Variants in CCDC169 observed in about 807,000 individuals in gnomAD.
CCDC169 encodes coiled-coil domain-containing protein 169.
CCDC169 carries 30 observed loss-of-function variants against 36.0 expected under a neutral mutation model. That is an observed-to-expected ratio of 0.83 (90% CI 0.62 to 1.13). The LOEUF is 1.13. Ranked by LOEUF, CCDC169 falls within the 50% of genes most tolerant of loss-of-function variation. The pLI is 0.00. For missense variants in CCDC169, 245 were observed against 245.9 expected (o/e 1.00, Z 0.03); for synonymous variants, 85 against 81.5 (o/e 1.04, Z -0.23).
chr13:36,227,309 A>AAAC (rs1869943909), downstream of CCDC169: 1 of 1,551,330 alleles, frequency 6.4e-7, no homozygotes, highest in Non-Finnish European at 8.7e-7. Flanking sequence ...GTCCAGCCAC[A>AAAC]CCTGCAGCAC....
chr13:36,255,659 TA>T (rs3083965), intron 4 of CCDC169, among the ~76,000 whole-genome samples: 74 of 124,588 alleles, frequency 5.9e-4, no homozygotes, highest in Middle Eastern at 4.4e-3. Flanking sequence ...CAAGGCTCCA[TA>T]AAAAAAAAAA....
intron 6 of CCDC169, among the ~76,000 whole-genome samples, chr13:36,252,334 T>C (rs1873274620): frequency 6.6e-6 from 1 of 152,204 alleles, no homozygotes; most frequent in South Asian, 2.1e-4. Context: ...ATTTCTTACT[T>C]ACCTTAGTCA....
intron 7 of CCDC169, among the ~76,000 whole-genome samples, chr13:36,243,485 G>C (rs909945436): frequency 6.6e-6 from 1 of 151,452 alleles, no homozygotes; most frequent in Admixed American, 6.6e-5. Flanking sequence ...CTGGGTGACA[G>C]AGCAAGACTC....
intron 2 of CCDC169, among the ~76,000 whole-genome samples, chr13:36,290,139 C>G (rs1183066793): frequency 6.6e-6 from 1 of 152,170 alleles, no homozygotes; most frequent in East Asian, 1.9e-4. Flanking sequence ...CTGCCAGTAT[C>G]TGACAGCAAA....
At chr13:36,233,523 T>TTTTAAATATG (rs59628581) in intron 7 of CCDC169, among the ~76,000 whole-genome samples, 61,000 of 151,574 alleles carry the variant, frequency 0.4, 13,002 homozygotes, top group Non-Finnish European at 0.48. Flanking sequence ...AAATCTACTA[T>TTTTAAATATG]TTTAAAGAAC....
Position 36,297,640 on chromosome 13 carries a change from T to C in CCDC169, c.80A>G (p.Lys27Arg). 1 of 1,550,706 alleles carries C rather than the reference T, an allele frequency of 6.4e-7. No homozygotes were observed. The highest frequency in any genetic ancestry group is 1.4e-5 in the African/African-American group (1 of 73,158). Residue 27 changes from lysine (K) to arginine (R), a missense_variant, in exon 1 of 8, where the codon AAG (lysine) becomes AGG (arginine). Lys to Arg is a conservative substitution (Grantham distance 26). Transcript: ENST00000239859. ...ACCGCGCCGCCCGCCGACTCACTTCTTGCGGACTTCTTCCAGCAACTGCTG... is the reference window on the plus strand; with the variant it reads ...ACCGCGCCGCCCGCCGACTCACTTCCTGCGGACTTCTTCCAGCAACTGCTG... The part of the protein sequence containing the change: ...LKQQLLEEVR[K>R]KDAVQLSIFE...
chr13:36,273,683 A>G (rs1014814549), intron 4 of CCDC169, among the ~76,000 whole-genome samples: 3 of 152,206 alleles, frequency 2.0e-5, no homozygotes, highest in Non-Finnish European at 4.4e-5. Flanking sequence ...GATTGCTAAC[A>G]ACCCACCCTG....
At chr13:36,275,557 C>T (rs975913838) in intron 4 of CCDC169, among the ~76,000 whole-genome samples, 1 of 152,142 alleles carries the variant, frequency 6.6e-6, no homozygotes, top group Admixed American at 6.5e-5. Flanking sequence ...TTTTAATAAC[C>T]TCAATACTTT....
chr13:36,257,871 A>C (rs1420310217), intron 4 of CCDC169, among the ~76,000 whole-genome samples: 1 of 151,752 alleles, frequency 6.6e-6, no homozygotes, highest in Non-Finnish European at 1.5e-5. Flanking sequence ...AGGACATGTC[A>C]CTTCCCCTCT....
At chr13:36,287,493 C>T (rs1214510386) in intron 2 of CCDC169, among the ~76,000 whole-genome samples, 1 of 152,050 alleles carries the variant, frequency 6.6e-6, no homozygotes, top group Non-Finnish European at 1.5e-5. Flanking sequence ...GGCTGGAGTT[C>T]CAAGGTAAAA....
chr13:36,269,257 C>T (rs1480320142), intron 4 of CCDC169, among the ~76,000 whole-genome samples: 1 of 152,070 alleles, frequency 6.6e-6, no homozygotes, highest in East Asian at 1.9e-4. Flanking sequence ...CAATAATAAG[C>T]AATGAGATTG....
chr13:36,232,973 A>G lies in CCDC169; in HGVS notation c.546-1681T>C, dbSNP rs572960109. ...CCCATACACATGTGTAACTGTGGGT[A>G]TGCATAGGACTGTGTGCATACTCAG... On this transcript the variant is annotated intron_variant, in intron 7 of 7. Coordinates refer to ENST00000239859, the MANE Select transcript of CCDC169 (RefSeq NM_001144981.3). 2.0e-4 allele frequency among the ~76,000 whole-genome samples: 30 copies of G among 152,314 alleles called. No homozygotes were observed. In the South Asian group the frequency reaches 6.0e-3, roughly 30 times the overall value.
intron 2 of CCDC169, among the ~76,000 whole-genome samples, chr13:36,290,122 G>T (rs1390759385): frequency 6.6e-6 from 1 of 152,130 alleles, no homozygotes; most frequent in Non-Finnish European, 1.5e-5. Flanking sequence ...AAAGAAGGCA[G>T]TGACTCCTGC....
At chr13:36,296,954 C>G (rs988954057) in intron 1 of CCDC169, among the ~76,000 whole-genome samples, 20 of 152,190 alleles carry the variant, frequency 1.3e-4, no homozygotes, top group African/African-American at 4.8e-4. Context: ...TGCTCTTATT[C>G]TCTACTTCCT....
At chr13:36,259,379 G>A (rs939355599) in intron 4 of CCDC169, among the ~76,000 whole-genome samples, 12 of 152,176 alleles carry the variant, frequency 7.9e-5, no homozygotes, top group Non-Finnish European at 1.5e-4. Flanking sequence ...AGTTCTTGGT[G>A]TATTGAACAA....
chr13:36,292,070 C>A (rs1878969372), intron 2 of CCDC169, among the ~76,000 whole-genome samples: 1 of 151,210 alleles, frequency 6.6e-6, no homozygotes. Flanking sequence ...CTCACTGCAA[C>A]CTCTACCTCC....
rs1233197221 is a variant in CCDC169 at position 36,248,649 on chromosome 13, G to A, written c.502C>T (p.Gln168Ter). 1 of 1,550,546 alleles carries A rather than the reference G, an allele frequency of 6.4e-7. No individual in the cohort carries two copies. Among genetic ancestry groups the A allele is most frequent in the South Asian group, 1.2e-5 (1 of 83,996 alleles). Reference protein sequence around the residue: ...SGLHQVSKRQQVDQLPRMQEN... With the variant: ...SGLHQVSKRQ ...TGCATCCTAGGCAGTTGATCCACCT[G>A]TTGCCTTTTAGAAACTTGATGTAAA... The change falls in exon 7 of 8, where the codon CAG becomes TAG. Residue 168 changes from glutamine (Q) to a stop codon, truncating the protein, a stop_gained. Transcript: ENST00000239859. LOFTEE classifies it high-confidence loss of function.
At chr13:36,288,352 T>A (rs1878494669) in intron 2 of CCDC169, among the ~76,000 whole-genome samples, 1 of 152,192 alleles carries the variant, frequency 6.6e-6, no homozygotes, top group Non-Finnish European at 1.5e-5. Flanking sequence ...TTGTGTAATA[T>A]CTCAGTTTTC....
At chr13:36,277,184 G>C (rs1876932949) in intron 4 of CCDC169, among the ~76,000 whole-genome samples, 1 of 152,096 alleles carries the variant, frequency 6.6e-6, no homozygotes, top group African/African-American at 2.4e-5. Context: ...GGAGCTGAAA[G>C]CCATTTCCCT....
Sources: gnomAD v4.1 joint callset for allele counts (sites outside exome capture counted in the v4.1 genomes callset) on GRCh38, gnomAD v4.1.1 for gene constraint, MANE v1.5 for transcripts, NCBI Gene and HGNC (gene_info 2026-07-23, HGNC 2026-07-21) for gene names.